CDH4: variants seen among roughly 807,000 people sequenced by gnomAD.
The protein encoded by CDH4 is cadherin 4, also known as cadherin-4.
CDH4 carries 33 observed loss-of-function variants against 86.0 expected under a neutral mutation model. The observed-to-expected ratio is 0.38, with a 90% CI of 0.29 to 0.51. The LOEUF is 0.51. Among genes scored for constraint, CDH4 ranks in the 20% least tolerant of loss-of-function variants. The pLI is 0.86. For missense variants in CDH4, 1,114 were observed against 1,307.4 expected (o/e 0.85, Z 2.28); for synonymous variants, 555 against 549.4 (o/e 1.01, Z -0.14).
chr20:61,281,506 T>G (rs1303749328), intron 2 of CDH4, among the ~76,000 whole-genome samples: 1 of 152,154 alleles, frequency 6.6e-6, no homozygotes, highest in Non-Finnish European at 1.5e-5. Flanking sequence ...GTGTCTGTTG[T>G]TTGTGGGCCG....
chr20:61,438,455 G>A (rs956430401), intron 2 of CDH4, among the ~76,000 whole-genome samples: 3 of 152,144 alleles, frequency 2.0e-5, no homozygotes, highest in African/African-American at 7.2e-5. Flanking sequence ...AGTTGGACAC[G>A]TTTTGCTATA....
rs866625778 is a variant in CDH4, at chr20:61,856,709, C to T, written c.877+3811C>T. 3.9e-5 allele frequency among the ~76,000 whole-genome samples: 6 copies of T among 152,236 alleles called. No homozygotes were observed. The South Asian group carries it at 1.2e-3, about 31-fold the overall frequency. On this transcript the variant is annotated intron_variant, in intron 6 of 15. Transcript: ENST00000614565. ...CAGCCCTCCTGAATTCATGAAATCC[C>T]CTGGGGCACTACTGACCTGCCCTGC...
intron 2 of CDH4, among the ~76,000 whole-genome samples, chr20:61,338,132 G>A (rs2084629552): frequency 1.3e-5 from 2 of 152,220 alleles, no homozygotes; most frequent in South Asian, 4.2e-4. Context: ...AAGTCACGGG[G>A]CTCAGTTTGT....
intron 2 of CDH4, among the ~76,000 whole-genome samples, chr20:61,604,050 G>C (rs1249300034): frequency 6.6e-6 from 1 of 152,136 alleles, no homozygotes; most frequent in Non-Finnish European, 1.5e-5. Flanking sequence ...CCCGTGGCCA[G>C]CTCCCTGCCG....
At chr20:61,817,534 C>G (rs1174945881) in intron 4 of CDH4, among the ~76,000 whole-genome samples, 1 of 152,074 alleles carries the variant, frequency 6.6e-6, no homozygotes, top group Non-Finnish European at 1.5e-5. Flanking sequence ...AGACCTCGTT[C>G]TATTGCTCAG....
At chr20:61,626,180 AGTT>A (rs891760567) in intron 2 of CDH4, among the ~76,000 whole-genome samples, 42 of 152,238 alleles carry the variant, frequency 2.8e-4, no homozygotes, top group African/African-American at 9.1e-4. Flanking sequence ...GCAGTGGGAG[AGTT>A]GTTAACCAGA....
At chr20:61,307,444 G>A (rs944152581) in intron 2 of CDH4, among the ~76,000 whole-genome samples, 5 of 152,252 alleles carry the variant, frequency 3.3e-5, no homozygotes, top group Admixed American at 6.5e-5. Context: ...CAGGCACTCA[G>A]CACCTACATG....
At chr20:61,365,939 G>A (rs2084808915) in intron 2 of CDH4, among the ~76,000 whole-genome samples, 1 of 152,186 alleles carries the variant, frequency 6.6e-6, no homozygotes, top group African/African-American at 2.4e-5. Context: ...TTTCTAAAGA[G>A]GATGCATGTA....
intron 2 of CDH4, among the ~76,000 whole-genome samples, chr20:61,687,694 C>CTTAAGTTAAGGG (rs2087601032): frequency 6.6e-6 from 1 of 152,180 alleles, no homozygotes; most frequent in Non-Finnish European, 1.5e-5. Flanking sequence ...TTCCTTCTGC[C>CTTAAGTTAAGGG]TTAAGTCTGA....
chr20:61,629,311 T>C (rs1211825248), intron 2 of CDH4, among the ~76,000 whole-genome samples: 3 of 152,064 alleles, frequency 2.0e-5, no homozygotes, highest in Non-Finnish European at 1.5e-5. Flanking sequence ...AAGCTTTGAC[T>C]CCAGCCAGAG....
intron 4 of CDH4, among the ~76,000 whole-genome samples, chr20:61,813,030 G>A (rs899436049): frequency 6.6e-6 from 1 of 152,360 alleles, no homozygotes; most frequent in South Asian, 2.1e-4. Flanking sequence ...GAGTCTCCAC[G>A]CACACATGGG....
intron 2 of CDH4, among the ~76,000 whole-genome samples, chr20:61,575,299 G>T (rs114869933): frequency 0.015 from 2,331 of 152,290 alleles, 62 homozygotes; most frequent in African/African-American, 0.053. Context: ...AAGTTGAGGA[G>T]AAAGGAGAGA....
At chr20:61,438,772 A>G (rs1030586301) in intron 2 of CDH4, among the ~76,000 whole-genome samples, 1 of 152,220 alleles carries the variant, frequency 6.6e-6, no homozygotes, top group Non-Finnish European at 1.5e-5. Flanking sequence ...AACTACCCAC[A>G]GAAAACATCC....
intron 4 of CDH4, among the ~76,000 whole-genome samples, chr20:61,799,921 C>T (rs1430091902): frequency 6.6e-6 from 1 of 152,166 alleles, no homozygotes; most frequent in Non-Finnish European, 1.5e-5. Context: ...GCCCCGCTCC[C>T]CATCTCTCAT....
At chr20:61,781,272 A>G (rs113092604) in intron 4 of CDH4, among the ~76,000 whole-genome samples, 2,677 of 152,174 alleles carry the variant, frequency 0.018, 33 homozygotes, top group Non-Finnish European at 0.025. Context: ...GTGATCCACA[A>G]TCAAGAAAAA....
intron 2 of CDH4, among the ~76,000 whole-genome samples, chr20:61,674,031 C>G (rs1206312884): frequency 6.6e-6 from 1 of 152,156 alleles, no homozygotes; most frequent in East Asian, 1.9e-4. Context: ...CGGGAACAAA[C>G]CTGTTTTTCA....
chr20:61,628,688 G>A (rs2086855051), intron 2 of CDH4, among the ~76,000 whole-genome samples: 1 of 152,192 alleles, frequency 6.6e-6, no homozygotes, highest in East Asian at 1.9e-4. Flanking sequence ...CGGGTCTGTT[G>A]AATGCAGCTG....
chr20:61,593,139 A>G (rs1012062015), intron 2 of CDH4, among the ~76,000 whole-genome samples: 4 of 152,210 alleles, frequency 2.6e-5, no homozygotes, highest in African/African-American at 9.6e-5. Flanking sequence ...ACTGTACGGT[A>G]ATGCTTGTGT....
chr20:61,346,025 G>A (rs999653247), intron 2 of CDH4, among the ~76,000 whole-genome samples: 3 of 152,210 alleles, frequency 2.0e-5, no homozygotes, highest in Non-Finnish European at 2.9e-5. Context: ...AGAACACACA[G>A]GGAAGTACAC....
Sources: gnomAD v4.1 joint callset for allele counts (sites outside exome capture counted in the v4.1 genomes callset) on GRCh38, gnomAD v4.1.1 for gene constraint, MANE v1.5 for transcripts, NCBI Gene and HGNC (gene_info 2026-07-23, HGNC 2026-07-21) for gene names.